KIAA0930: variants seen among roughly 807,000 people sequenced by gnomAD.
KIAA0930 encodes the protein KIAA0930.
A neutral mutation model predicts 43.9 loss-of-function variants in KIAA0930; 24 were observed. The ratio of observed to expected loss-of-function variants is 0.55; its 90% CI spans 0.40 to 0.77. The LOEUF is 0.77. KIAA0930 is among the 30% of genes least tolerant of loss of function. KIAA0930 has a pLI of 0.00. For missense variants in KIAA0930, 461 were observed against 574.2 expected (o/e 0.80, Z 2.02); for synonymous variants, 259 against 216.4 (o/e 1.20, Z -1.73).
intron 1 of KIAA0930, among the ~76,000 whole-genome samples, chr22:45,215,835 T>TTC (rs1177585499): frequency 2.0e-5 from 3 of 152,150 alleles, no homozygotes; most frequent in Non-Finnish European, 4.4e-5. Flanking sequence ...TTATAATACT[T>TTC]TCTCCCATGA....
Position 45,228,945 on chromosome 22 carries a change from G to C in KIAA0930, c.64+11695C>G, listed in dbSNP as rs2083827155. 7.5e-5 allele frequency among the ~76,000 whole-genome samples: 2 copies of C among 26,832 alleles called. 1 individual carries two copies. Among genetic ancestry groups the C allele is most frequent in the Admixed American group, 1.3e-3 (2 of 1,496 alleles). 17.6% of individuals were successfully genotyped at this position (26,832 alleles called of 152,430 possible). On this transcript the variant is annotated intron_variant, in intron 1 of 9. Transcript: ENST00000336156. ...CTCTCCACCCCCCAACCACTCACCT[G>C]AGAGATCCCTCTCCACCCCCGCCAT...
intron 1 of KIAA0930, chr22:45,226,138 G>A: frequency 2.4e-6 from 1 of 418,214 alleles, no homozygotes; most frequent in South Asian, 1.8e-5. Flanking sequence ...GCACGCGGCA[G>A]CCTCTCCACT....
chr22:45,202,958 G>A, intron 7 of KIAA0930, 32 bp downstream of exon 7: 1 of 1,548,500 alleles, frequency 6.5e-7, no homozygotes, highest in South Asian at 1.2e-5. Context: ...TTGACGGATG[G>A]GAGCCCCCGC....
chr22:45,200,875 C>G, intron 7 of KIAA0930: 1 of 471,748 alleles, frequency 2.1e-6, no homozygotes, highest in South Asian at 1.5e-5. Flanking sequence ...AAAAGGGATC[C>G]ACAGCCTGGG....
intron 1 of KIAA0930, among the ~76,000 whole-genome samples, chr22:45,235,978 C>T (rs1371307326): frequency 2.0e-5 from 3 of 152,252 alleles, no homozygotes; most frequent in Non-Finnish European, 2.9e-5. Context: ...CTTCCCCATT[C>T]GCAGGCCTAG....
At chr22:45,223,795 C>CCAGA (rs1407292930) in intron 1 of KIAA0930, among the ~76,000 whole-genome samples, 1 of 150,664 alleles carries the variant, frequency 6.6e-6, no homozygotes, top group Non-Finnish European at 1.5e-5. Context: ...AGGGTCAGCA[C>CCAGA]TGAGACAGCA....
chr22:45,209,088 G>A (rs1417040255), intron 2 of KIAA0930, among the ~76,000 whole-genome samples: 3 of 152,218 alleles, frequency 2.0e-5, no homozygotes, highest in Admixed American at 6.5e-5. Context: ...ATGTCCCTTG[G>A]GCCCTGGAGC....
rs566693386 is a variant in KIAA0930, at chr22:45,200,034, A to G, written c.854T>C (p.Val285Ala). 1.9e-6 allele frequency: 3 copies of G among 1,585,880 alleles called. No homozygotes were observed. The East Asian group carries it at 7.1e-5, about 38-fold the overall frequency. The change falls in exon 8 of 10, where the codon GTG becomes GCG. Residue 285 changes from valine to alanine, a missense_variant and splice_region_variant. Val to Ala is a moderately conservative substitution (Grantham distance 64). Transcript: ENST00000336156. ...GGTGGGGGGTGTGCTGAAGGAGGTC[A>G]CCTGGGAACAAGCAGCCAAAGTCAC... ...SSPASPMHER[V>A]TSFSTPPTPE...
intron 8 of KIAA0930, 99 bp from the exon 9 acceptor site, chr22:45,198,047 G>A: frequency 8.0e-7 from 1 of 1,251,624 alleles, no homozygotes; most frequent in Non-Finnish European, 1.1e-6. Context: ...AAACTCTGCT[G>A]AGGCCAGGAC....
At chr22:45,221,127 A>G (rs1569080788) in intron 1 of KIAA0930, among the ~76,000 whole-genome samples, 1 of 152,144 alleles carries the variant, frequency 6.6e-6, no homozygotes, top group African/African-American at 2.4e-5. Flanking sequence ...AAACCACCTG[A>G]TTTAAAATTG....
chr22:45,201,663 T>G (rs568995443), intron 7 of KIAA0930, among the ~76,000 whole-genome samples: 2 of 152,314 alleles, frequency 1.3e-5, no homozygotes, highest in East Asian at 3.9e-4. Flanking sequence ...GAGAGGCCCC[T>G]GCCTGGAATT....
intron 7 of KIAA0930, chr22:45,201,108 C>T (rs1276476811): frequency 4.4e-6 from 2 of 450,944 alleles, no homozygotes; most frequent in South Asian, 1.7e-5. Flanking sequence ...CCGACATCCA[C>T]CAAAGTCCTG....
chr22:45,205,199 G>A lies in KIAA0930; in HGVS notation c.516+18C>T, dbSNP rs773567388. 12 of 1,587,726 alleles carry A rather than the reference G, an allele frequency of 7.6e-6. No homozygotes were observed. Among genetic ancestry groups the A allele is most frequent in the East Asian group, 2.2e-5 (1 of 44,762 alleles). Reference sequence around the variant, plus strand: ...CGAGAAGGGGAAGCTAAGGAGAGAGGCCCTGTGCAGAGCTCACCTCCTCGA... The same window carrying A: ...CGAGAAGGGGAAGCTAAGGAGAGAGACCCTGTGCAGAGCTCACCTCCTCGA... On this transcript the variant is annotated intron_variant, in intron 5 of 9. Coordinates refer to ENST00000336156, the MANE Select transcript of KIAA0930 (RefSeq NM_001009880.2).
chr22:45,193,743 T>TA lies in KIAA0930; in HGVS notation c.*3432_*3433insT, dbSNP rs2083510842. On this transcript the variant is annotated 3_prime_UTR_variant, in exon 10 of 10. Coordinates refer to ENST00000336156, the MANE Select transcript of KIAA0930 (RefSeq NM_001009880.2). ...ACTCATGTTTTAAATAATCTTCTTT[T>TA]GAAATAATAAGCCTTAGCTGGCTTT... The TA allele has an allele frequency of 3.9e-5, 6 of 152,310 alleles. No individual in the cohort carries two copies. Among genetic ancestry groups the TA allele is most frequent in the South Asian group, 2.1e-4 (1 of 4,826 alleles). 9.4% of individuals were successfully genotyped at this position (152,310 alleles called of 1,614,324 possible).
chr22:45,240,172 G>C (rs1035585918), intron 1 of KIAA0930, among the ~76,000 whole-genome samples: 23 of 152,226 alleles, frequency 1.5e-4, no homozygotes, highest in African/African-American at 5.5e-4. Flanking sequence ...CGGGTAGCAG[G>C]AGACAGTGGC....
chr22:45,213,480 C>T, intron 1 of KIAA0930: 1 of 1,210,164 alleles, frequency 8.3e-7, no homozygotes, highest in Non-Finnish European at 1.1e-6. Context: ...CCCAGGCTCA[C>T]AGGACCCGGG....
chr22:45,212,234 C>A, intron 1 of KIAA0930, 127 bp from the exon 2 acceptor site: 1 of 1,612,540 alleles, frequency 6.2e-7, no homozygotes, highest in Non-Finnish European at 8.5e-7. Context: ...CTGAGATGCG[C>A]CACCCTTCCC....
At chr22:45,199,442 G>C (rs2083566779) in intron 8 of KIAA0930, among the ~76,000 whole-genome samples, 1 of 152,342 alleles carries the variant, frequency 6.6e-6, no homozygotes. Flanking sequence ...ACAGAGCCAG[G>C]AGGGCCAGGC....
intron 1 of KIAA0930, chr22:45,235,267 T>G (rs2083880467): frequency 6.6e-6 from 1 of 152,258 alleles, no homozygotes; most frequent in Non-Finnish European, 1.5e-5. Flanking sequence ...GTGGTGCCTA[T>G]GCGGCCGCTG....
Sources: allele counts gnomAD v4.1 joint callset (sites outside exome capture counted in the v4.1 genomes callset), GRCh38; gene constraint gnomAD v4.1.1; transcripts MANE v1.5; gene names NCBI Gene and HGNC (gene_info 2026-07-23, HGNC 2026-07-21).